The following CLRN1 variants were observed in gnomAD, a reference collection of about 807,000 sequenced individuals.
The protein encoded by CLRN1 is clarin 1, also known as clarin-1.
Under a neutral mutation model 18.7 loss-of-function variants are expected in CLRN1, and 15 were observed. The observed-to-expected ratio is 0.80, with a 90% CI of 0.54 to 1.23. CLRN1 has a LOEUF of 1.23. Among genes scored for constraint, CLRN1 ranks in the 50% most tolerant of loss-of-function variants. The probability of loss-of-function intolerance (pLI) is 0.00; values close to 1 mark genes in which losing one functional copy is unlikely to be tolerated. For missense variants in CLRN1, 311 were observed against 277.5 expected (o/e 1.12, Z -0.86); for synonymous variants, 104 against 102.9 (o/e 1.01, Z -0.07).
intron 2 of CLRN1, among the ~76,000 whole-genome samples, chr3:150,937,797 A>G (rs1272629200): frequency 5.9e-5 from 9 of 152,192 alleles, no homozygotes; most frequent in Non-Finnish European, 1.2e-4. Flanking sequence ...TGAAGCCATA[A>G]GTATGAGCCA....
chr3:150,969,313 A>ATTTTTTT (rs1196979915), intron 1 of CLRN1, among the ~76,000 whole-genome samples: 2 of 43,548 alleles, frequency 4.6e-5, no homozygotes, highest in African/African-American at 9.9e-5. Context: ...ATATATATAT[A>ATTTTTTT]TTTTTTTTTT....
At chr3:150,970,215 T>C (rs764359848) in intron 1 of CLRN1, among the ~76,000 whole-genome samples, 9 of 152,222 alleles carry the variant, frequency 5.9e-5, no homozygotes, top group Non-Finnish European at 1.0e-4. Flanking sequence ...ACAGGGCTTA[T>C]ACATTTCTAT....
At chr3:150,928,978 T>C (rs1712982889) in intron 2 of CLRN1, among the ~76,000 whole-genome samples, 1 of 152,170 alleles carries the variant, frequency 6.6e-6, no homozygotes, top group Admixed American at 6.5e-5. Flanking sequence ...AGCCCCAGCA[T>C]ACATTTTGGA....
At chr3:150,932,644 C>T (rs540982203) in intron 2 of CLRN1, among the ~76,000 whole-genome samples, 58 of 152,258 alleles carry the variant, frequency 3.8e-4, no homozygotes, top group African/African-American at 1.1e-3. Flanking sequence ...TGTGGGAAAG[C>T]CACAACTTTA....
intron 1 of CLRN1, among the ~76,000 whole-genome samples, chr3:150,948,825 T>C (rs1213343001): frequency 3.9e-5 from 6 of 152,032 alleles, no homozygotes; most frequent in Non-Finnish European, 2.9e-5. Context: ...TCCAAAAAAA[T>C]TGAGGAGGAG....
intron 1 of CLRN1, chr3:150,945,690 T>A: frequency 8.0e-7 from 1 of 1,248,650 alleles, no homozygotes; most frequent in Non-Finnish European, 1.0e-6. Flanking sequence ...CTTCTCACAA[T>A]CAGAAAAATG....
intron 1 of CLRN1, among the ~76,000 whole-genome samples, chr3:150,968,045 T>C (rs1305749204): frequency 2.0e-5 from 3 of 152,214 alleles, no homozygotes; most frequent in African/African-American, 7.2e-5. Context: ...TGACTAAAGT[T>C]GCAAGCTGTG....
chr3:150,926,594 T>C lies in CLRN1; in HGVS notation c.*1342A>G. 4 of 668,840 alleles carry C rather than the reference T, an allele frequency of 6.0e-6. No individual in the cohort carries two copies. The highest frequency in any genetic ancestry group is 1.1e-5 in the Non-Finnish European group (4 of 369,006). 41.4% of individuals were successfully genotyped at this position (668,840 alleles called of 1,614,324 possible). A position where few individuals can be genotyped will look rare whatever the true frequency, so the allele number is the denominator to read the frequency against. On this transcript the variant is annotated 3_prime_UTR_variant, in exon 3 of 3. Transcript: ENST00000327047. ...CATCTGGAAACTCGGTGTGTTCTGA[T>C]GTCTGCTGGCGAATAGCGAATTGAC...
intron 2 of CLRN1, among the ~76,000 whole-genome samples, chr3:150,937,334 A>G (rs764993132): frequency 7.2e-5 from 11 of 152,218 alleles, no homozygotes; most frequent in Non-Finnish European, 1.3e-4. Context: ...TGGCTGGCAC[A>G]TAATGGGCAC....
Position 150,927,002 on chromosome 3 carries a change from T to C in CLRN1, c.*934A>G, listed in dbSNP as rs1416180710. 2.0e-6 allele frequency: 3 copies of C among 1,507,376 alleles called. No homozygotes were observed. In the Admixed American group the frequency reaches 5.8e-5, roughly 29 times the overall value. 93.4% of individuals were successfully genotyped at this position (1,507,376 alleles called of 1,614,324 possible). On this transcript the variant is annotated 3_prime_UTR_variant, in exon 3 of 3. Coordinates refer to ENST00000327047, the MANE Select transcript of CLRN1 (RefSeq NM_174878.3). ...AATCCCAGATTTAATATAATTTTCA[T>C]AATTGCATATTAGTACTCGAGACAC... is the stretch of plus-strand genomic sequence containing the variant.
intron 1 of CLRN1, among the ~76,000 whole-genome samples, chr3:150,961,564 G>A (rs949866039): frequency 3.3e-5 from 5 of 152,274 alleles, no homozygotes; most frequent in Admixed American, 6.5e-5. Context: ...CAATGGTGCC[G>A]CAATTTCTTC....
intron 1 of CLRN1, among the ~76,000 whole-genome samples, chr3:150,965,835 C>A (rs1167448158): frequency 2.0e-5 from 3 of 152,228 alleles, no homozygotes; most frequent in African/African-American, 7.2e-5. Flanking sequence ...AATTATAATT[C>A]TTGAACAATG....
At position 150,943,862 on chromosome 3, in the gene CLRN1, G is replaced by A. The variant is rs561786844; in HGVS notation, c.254-2101C>T. On this transcript the variant is annotated intron_variant, in intron 1 of 2. Transcript: ENST00000327047. ...GCCTGCATGGAGTTTACTCCTCACA[G>A]CACTAAAGCAGCCAGCTGGTTCCTG... The A allele has an allele frequency of 1.8e-5, 29 of 1,614,174 alleles. No individual in the cohort carries two copies. In the South Asian group the frequency reaches 2.6e-4, roughly 15 times the overall value.
At chr3:150,941,840 C>T in intron 1 of CLRN1, 79 bp from the exon 2 acceptor site, 2 of 1,289,284 alleles carry the variant, frequency 1.6e-6, no homozygotes, top group Admixed American at 3.8e-5. Flanking sequence ...AATCAAATCT[C>T]TCTTTTTTAA....
chr3:150,930,505 A>C (rs2107931685), intron 2 of CLRN1, among the ~76,000 whole-genome samples: 1 of 152,254 alleles, frequency 6.6e-6, no homozygotes, highest in South Asian at 2.1e-4. Context: ...CCATCCTCAG[A>C]GTGGTAGCTG....
intron 1 of CLRN1, among the ~76,000 whole-genome samples, chr3:150,951,959 G>T (rs1158448285): frequency 6.6e-6 from 1 of 152,154 alleles, no homozygotes; most frequent in Non-Finnish European, 1.5e-5. Context: ...TGGGGATTAC[G>T]ATTCGACATG....
At chr3:150,943,118 C>A (rs574104138) in intron 1 of CLRN1, among the ~76,000 whole-genome samples, 1 of 152,212 alleles carries the variant, frequency 6.6e-6, no homozygotes, top group African/African-American at 2.4e-5. Flanking sequence ...TTGTTTTAAG[C>A]CCCTGAACTT....
intron 2 of CLRN1, among the ~76,000 whole-genome samples, chr3:150,940,950 G>A (rs1279327031): frequency 6.6e-6 from 1 of 152,144 alleles, no homozygotes; most frequent in Non-Finnish European, 1.5e-5. Flanking sequence ...TCATATGTGG[G>A]CGGAACACTG....
At chr3:150,958,547 A>G (rs975977150) in intron 1 of CLRN1, among the ~76,000 whole-genome samples, 1 of 151,868 alleles carries the variant, frequency 6.6e-6, no homozygotes, top group Non-Finnish European at 1.5e-5. Flanking sequence ...CCTCCTCCAC[A>G]CTCTCACGCA....
Sources: allele counts gnomAD v4.1 joint callset (sites outside exome capture counted in the v4.1 genomes callset), GRCh38; gene constraint gnomAD v4.1.1; transcripts MANE v1.5; gene names NCBI Gene and HGNC (gene_info 2026-07-23, HGNC 2026-07-21).